Variants in C11orf16 observed in about 807,000 individuals in gnomAD.
The protein encoded by C11orf16 is chromosome 11 open reading frame 16, also known as uncharacterized protein C11orf16.
A neutral mutation model predicts 45.1 loss-of-function variants in C11orf16; 38 were observed. That is an observed-to-expected ratio of 0.84 (90% CI 0.65 to 1.10). The LOEUF (loss-of-function observed/expected upper bound fraction) is 1.10. C11orf16 is among the 50% of genes least tolerant of loss of function. The pLI is 0.00. For missense variants in C11orf16, 583 were observed against 569.5 expected (o/e 1.02, Z -0.24); for synonymous variants, 221 against 222.0 (o/e 1.00, Z 0.04).
intron 5 of C11orf16, among the ~76,000 whole-genome samples, chr11:8,925,159 A>G (rs999005565): frequency 2.0e-5 from 3 of 152,260 alleles, no homozygotes; most frequent in Non-Finnish European, 2.9e-5. Context: ...GACTAAAAAC[A>G]GACAATGGCA....
In C11orf16 at chr11:8,925,894, G is replaced by T; in HGVS notation, c.773C>A (p.Pro258His). Residue 258 changes from proline to histidine, a missense_variant, in exon 5 of 7, where the codon CCT becomes CAT. Physicochemically the swap from Pro to His is moderately conservative, Grantham distance 77. Transcript: ENST00000326053. ...PITGRITNELPPDAPFLCPLC... is the reference protein window; with the variant it reads ...PITGRITNELHPDAPFLCPLC... ...AGGGCACAGGAATGGAGCATCCGGA[G>T]GAAGCTCATTAGTGATGCGCCCAGT... 1 of 1,614,222 alleles carries T rather than the reference G, an allele frequency of 6.2e-7. No homozygotes were observed.
chr11:8,920,169 T>C lies in C11orf16; in HGVS notation c.*304A>G. ...AGGTGGCAGAGTGGCTGTGGACACA[T>C]TTGCCCAAAGCAGGCTGACCCCCTC... is the stretch of plus-strand genomic sequence containing the variant. On this transcript the variant is annotated 3_prime_UTR_variant, in exon 7 of 7. Coordinates refer to ENST00000326053, the MANE Select transcript of C11orf16 (RefSeq NM_020643.3). The C allele has an allele frequency of 2.8e-6, 1 of 360,382 alleles. No individual in the cohort carries two copies. Among genetic ancestry groups the C allele is most frequent in the Non-Finnish European group, 4.9e-6 (1 of 202,188 alleles). The allele number at this position is 360,382 out of a possible 1,614,324, so 22.3% of individuals were successfully genotyped here. A position where few individuals can be genotyped will look rare whatever the true frequency, so the allele number is the denominator to read the frequency against.
intron 4 of C11orf16, among the ~76,000 whole-genome samples, 166 bp downstream of exon 4, chr11:8,926,774 G>A (rs2064616767): frequency 6.6e-6 from 1 of 152,012 alleles, no homozygotes; most frequent in South Asian, 2.1e-4. Flanking sequence ...TGCATCTTGA[G>A]GCATCTGTTG....
chr11:8,920,823 G>T (rs1186219266), intron 6 of C11orf16, among the ~76,000 whole-genome samples: 1 of 152,090 alleles, frequency 6.6e-6, no homozygotes, highest in Non-Finnish European at 1.5e-5. Flanking sequence ...GTGAGATCCT[G>T]TCTCAGAAAA....
At chr11:8,929,560 G>C (rs751839810) in intron 2 of C11orf16, 27 bp from the exon 3 acceptor site, 2 of 1,594,872 alleles carry the variant, frequency 1.3e-6, no homozygotes, top group South Asian at 1.1e-5. Flanking sequence ...GGAATTAGTG[G>C]ATAGAGAGCA....
At chr11:8,920,835 A>C (rs762145031) in intron 6 of C11orf16, among the ~76,000 whole-genome samples, 1 of 152,160 alleles carries the variant, frequency 6.6e-6, no homozygotes, top group South Asian at 2.1e-4. Context: ...CTCAGAAAAA[A>C]AAGTCATTGC....
rs2064610617 is a variant in C11orf16, at chr11:8,926,120, A to G, written c.560-13T>C. ...TTTTCCTTTGATGCTACATAACAAA[A>G]AATGGCAACATTTTGTTATAATTAC... On this transcript the variant is annotated splice_polypyrimidine_tract_variant and intron_variant, in intron 4 of 6. Transcript: ENST00000326053. 4 of 1,547,604 alleles carry G rather than the reference A, an allele frequency of 2.6e-6. No homozygotes were observed. Among genetic ancestry groups the G allele is most frequent in the Non-Finnish European group, 3.5e-6 (4 of 1,147,244 alleles).
At chr11:8,931,269 G>T (rs1225950536) in intron 2 of C11orf16, among the ~76,000 whole-genome samples, 2 of 151,984 alleles carry the variant, frequency 1.3e-5, no homozygotes, top group African/African-American at 4.8e-5. Flanking sequence ...TGTTCCCTAG[G>T]CTCGAGCGCA....
intron 5 of C11orf16, among the ~76,000 whole-genome samples, chr11:8,922,883 C>T (rs1172847794): frequency 3.3e-5 from 5 of 152,184 alleles, no homozygotes; most frequent in Non-Finnish European, 4.4e-5. Flanking sequence ...CAGGTAGTCC[C>T]ACACATGTGG....
chr11:8,930,805 G>A (rs561733903), intron 2 of C11orf16, among the ~76,000 whole-genome samples: 2 of 152,204 alleles, frequency 1.3e-5, no homozygotes, highest in East Asian at 3.9e-4. Flanking sequence ...CAGGCTGTTC[G>A]TGCTGAGGAG....
chr11:8,922,179 A>G (rs900895391), intron 5 of C11orf16, among the ~76,000 whole-genome samples: 1 of 152,196 alleles, frequency 6.6e-6, no homozygotes, highest in Non-Finnish European at 1.5e-5. Flanking sequence ...AACACAGACC[A>G]CAAAGAAGAG....
At chr11:8,921,578 T>A in intron 5 of C11orf16, 63 bp from the exon 6 acceptor site, 1 of 1,398,134 alleles carries the variant, frequency 7.2e-7, no homozygotes, top group African/African-American at 1.4e-5. Context: ...TAAGTAGAAC[T>A]AAAACAAGGA....
In C11orf16 at chr11:8,929,388, C is replaced by T; in HGVS notation, c.313G>A (p.Ala105Thr). 1.2e-6 allele frequency: 2 copies of T among 1,613,800 alleles called. No individual in the cohort carries two copies. Among genetic ancestry groups the T allele is most frequent in the Non-Finnish European group, 8.5e-7 (1 of 1,179,864 alleles). Residue 105 changes from alanine (A) to threonine (T), a missense_variant, in exon 3 of 7, where the codon GCC becomes ACC. By Grantham distance (58) the Ala-to-Thr change is moderately conservative. Coordinates refer to ENST00000326053, the MANE Select transcript of C11orf16 (RefSeq NM_020643.3). ...DGFYYRAQIK[A>T]TPELERQGVL... ...GGTCAGGGACTTGCCTCGGGAGTGGCCTTTATTTGGGCCCGGTAGTAAAAA... is the reference window on the plus strand; with the variant it reads ...GGTCAGGGACTTGCCTCGGGAGTGGTCTTTATTTGGGCCCGGTAGTAAAAA...
intron 2 of C11orf16, among the ~76,000 whole-genome samples, chr11:8,930,224 C>T (rs1368629837): frequency 4.0e-5 from 6 of 151,828 alleles, no homozygotes; most frequent in African/African-American, 7.2e-5. Flanking sequence ...GTCAAGAGAT[C>T]GAGACTATCT....
At chr11:8,929,084 C>A in intron 3 of C11orf16, 1 of 311,736 alleles carries the variant, frequency 3.2e-6, no homozygotes. Context: ...AATGATTCTT[C>A]TTCATAGCTC....
Position 8,929,406 on chromosome 11 carries a change from A to T in C11orf16, c.295T>A (p.Tyr99Asn), listed in dbSNP as rs781614938. The change falls in exon 3 of 7, where the codon TAC becomes AAC. Residue 99 changes from tyrosine (Y) to asparagine (N), a missense_variant. By Grantham distance (143) the Tyr-to-Asn change is moderately radical. Transcript: ENST00000326053. ...LARREADGFY[Y>N]RAQIKATPEL... Reference sequence around the variant, plus strand: ...GGAGTGGCCTTTATTTGGGCCCGGTAGTAAAAACCATCTGCTTCCCTTCTT... The same window carrying T: ...GGAGTGGCCTTTATTTGGGCCCGGTTGTAAAAACCATCTGCTTCCCTTCTT... 3.1e-6 allele frequency: 5 copies of T among 1,614,110 alleles called. 1 individual carries two copies. The South Asian group carries it at 5.5e-5, about 18-fold the overall frequency.
Position 8,930,595 on chromosome 11 carries a change from ACCCAG to A in C11orf16, c.168-1067_168-1063del, listed in dbSNP as rs1268479531. On this transcript the variant is annotated intron_variant, in intron 2 of 6. Coordinates refer to ENST00000326053, the MANE Select transcript of C11orf16 (RefSeq NM_020643.3). ...ATGAGGAAGTGTTTGGGCAGGGACAACCCAGAGGAGCTAAGGGGCTGTGGGACAGA... is the reference window on the plus strand; with the variant it reads ...ATGAGGAAGTGTTTGGGCAGGGACAAAGGAGCTAAGGGGCTGTGGGACAGA... Among the ~76,000 whole-genome samples the A allele has an allele frequency of 5.9e-5, 9 of 152,160 alleles. No homozygotes were observed. The South Asian group carries it at 1.2e-3, about 21-fold the overall frequency.
At chr11:8,920,870 C>T (rs1241070234) in intron 6 of C11orf16, among the ~76,000 whole-genome samples, 9 of 152,140 alleles carry the variant, frequency 5.9e-5, no homozygotes, top group African/African-American at 2.2e-4. Context: ...CTTGAAGCTG[C>T]CACAGCAGAA....
At chr11:8,927,530 T>C (rs1179306282) in intron 3 of C11orf16, 1 of 448,132 alleles carries the variant, frequency 2.2e-6, no homozygotes, top group East Asian at 6.8e-5. Flanking sequence ...CTTTTCTCAA[T>C]GCAATCTCCT....
Sources: allele counts gnomAD v4.1 joint callset (sites outside exome capture counted in the v4.1 genomes callset), GRCh38; gene constraint gnomAD v4.1.1; transcripts MANE v1.5; gene names NCBI Gene and HGNC (gene_info 2026-07-23, HGNC 2026-07-21).